Variants in COA7 observed in about 807,000 individuals in gnomAD.
COA7 encodes the protein cytochrome c oxidase assembly factor 7, also known as Sel1 repeat containing 1.
A neutral mutation model predicts 21.0 loss-of-function variants in COA7; 12 were observed. The ratio of observed to expected loss-of-function variants is 0.57; its 90% confidence interval spans 0.37 to 0.92. The LOEUF (loss-of-function observed/expected upper bound fraction) is 0.92, where lower values mean the gene tolerates loss of function less well. Ranked by LOEUF, COA7 falls within the 40% of genes least tolerant of loss-of-function variation. COA7 has a pLI of 0.01. For synonymous variants in COA7, 95 were observed against 107.4 expected, an observed-to-expected ratio of 0.88 and a Z score of 0.72; for missense variants, 240 against 286.1, an observed-to-expected ratio of 0.84 and a Z score of 1.16.
chr1:52,690,581 G>A (rs1644038105), intron 2 of COA7, among the ~76,000 whole-genome samples: 1 of 152,114 alleles, frequency 6.6e-6, no homozygotes, highest in South Asian at 2.1e-4. Flanking sequence ...AGCCCATAGT[G>A]ACATTTCCTA....
At chr1:52,691,470 GTT>G (rs541566680) in intron 2 of COA7, among the ~76,000 whole-genome samples, 78 of 122,028 alleles carry the variant, frequency 6.4e-4, no homozygotes, top group Middle Eastern at 4.2e-3. Flanking sequence ...GTGTGTGTGT[GTT>G]TTTTTTTTTT....
rs762420037 is a variant in COA7 at position 52,698,251 on chromosome 1, A to G, written c.76T>C (p.Tyr26His). 2 of 1,612,472 alleles carry G rather than the reference A, an allele frequency of 1.2e-6. No individual in the cohort carries two copies. Among genetic ancestry groups the G allele is most frequent in the South Asian group, 2.2e-5 (2 of 91,068 alleles). Residue 26 changes from tyrosine (Y) to histidine (H), a missense_variant, in exon 1 of 3, where the codon TAC becomes CAC. Tyr to His is a moderately conservative substitution (Grantham distance 83). This residue lies in a region of COA7 where 71 missense variants were observed against 54.7 expected (regional missense o/e 1.30). Transcript: ENST00000371538. ...FLENMEVECN[Y>H]HCYHEKDPDG... Reference sequence around the variant, plus strand: ...GGGTCCTTCTCGTGGTAGCAGTGGTAGTTGCACTCCACCTCCATGTTCTCC... The same window carrying G: ...GGGTCCTTCTCGTGGTAGCAGTGGTGGTTGCACTCCACCTCCATGTTCTCC...
At chr1:52,692,118 A>T (rs2149904654) in intron 2 of COA7, among the ~76,000 whole-genome samples, 1 of 151,774 alleles carries the variant, frequency 6.6e-6, no homozygotes, top group Middle Eastern at 3.4e-3. Flanking sequence ...AGAATTGGAA[A>T]CTCCAACTTC....
At chr1:52,697,219 GAC>G (rs1198141783) in intron 1 of COA7, among the ~76,000 whole-genome samples, 1 of 152,098 alleles carries the variant, frequency 6.6e-6, no homozygotes, top group Non-Finnish European at 1.5e-5. Context: ...ACAACGTAGT[GAC>G]ATACTATCTC....
Position 52,685,014 on chromosome 1 carries a change from C to T in COA7, c.*2706G>A, listed in dbSNP as rs1338100690. On this transcript the variant is annotated 3_prime_UTR_variant, in exon 3 of 3. Coordinates refer to ENST00000371538, the MANE Select transcript of COA7 (RefSeq NM_023077.3). ...ACTACATGCACCACAATTTATTTAC[C>T]CATTTACCTACTGAAAGACATTTTG... 1.3e-5 allele frequency: 2 copies of T among 152,258 alleles called. No individual in the cohort carries two copies. The highest frequency in any genetic ancestry group is 3.9e-4 in the East Asian group (2 of 5,188). 9.4% of individuals were successfully genotyped at this position (152,258 alleles called of 1,614,324 possible). A position where few individuals can be genotyped will look rare whatever the true frequency, so the allele number is the denominator to read the frequency against.
rs1232844005 is a variant in COA7 at position 52,684,847 on chromosome 1, C to T, written c.*2873G>A. 1.3e-5 allele frequency: 2 copies of T among 152,000 alleles called. No individual in the cohort carries two copies. Among genetic ancestry groups the T allele is most frequent in the African/African-American group, 4.8e-5 (2 of 41,360 alleles). 9.4% of individuals were successfully genotyped at this position (152,000 alleles called of 1,614,324 possible). A position where few individuals can be genotyped will look rare whatever the true frequency, so the allele number is the denominator to read the frequency against. On this transcript the variant is annotated 3_prime_UTR_variant, in exon 3 of 3. Coordinates refer to ENST00000371538, the MANE Select transcript of COA7 (RefSeq NM_023077.3). ...GTTTTGCCTTTTCCAGAATACATCC[C>T]AGTGTCATATAGTTGGCATCATTTA...
Position 52,687,459 on chromosome 1 carries a change from C to T in COA7, c.*261G>A. The T allele has an allele frequency of 2.2e-6, 1 of 462,530 alleles. No homozygotes were observed. The highest frequency in any genetic ancestry group is 3.8e-6 in the Non-Finnish European group (1 of 259,810). 28.7% of individuals were successfully genotyped at this position (462,530 alleles called of 1,614,324 possible). On this transcript the variant is annotated 3_prime_UTR_variant, in exon 3 of 3. Transcript: ENST00000371538. The stretch of plus-strand genomic sequence containing the variant: ...CTAAGACCCCCATAAACATGGCTAT[C>T]TTCACAGAACATCCAGATGAAGGAA...
rs1313901296 is a variant in COA7 at position 52,686,595 on chromosome 1, C to G, written c.*1125G>C. 6.6e-6 allele frequency: 1 copy of G among 152,062 alleles called. No individual in the cohort carries two copies. Among genetic ancestry groups the G allele is most frequent in the Non-Finnish European group, 1.5e-5 (1 of 68,070 alleles). The allele number at this position is 152,062 out of a possible 1,614,324, so 9.4% of individuals were successfully genotyped here. A position where few individuals can be genotyped will look rare whatever the true frequency, so the allele number is the denominator to read the frequency against. ...CCCCAGTAGCTGGGACTACAGGCGC[C>G]TGCCACCACGCCCGGCTAATTTTTT... On this transcript the variant is annotated 3_prime_UTR_variant, in exon 3 of 3. Coordinates refer to ENST00000371538, the MANE Select transcript of COA7 (RefSeq NM_023077.3).
At chr1:52,696,665 C>T (rs1006202439) in intron 1 of COA7, among the ~76,000 whole-genome samples, 73 of 143,728 alleles carry the variant, frequency 5.1e-4, no homozygotes, top group African/African-American at 1.7e-3. Flanking sequence ...TTTTTCTTTT[C>T]TTTTTTTTTT....
chr1:52,693,137 C>A (rs1644060031), intron 1 of COA7, among the ~76,000 whole-genome samples: 1 of 152,210 alleles, frequency 6.6e-6, no homozygotes, highest in African/African-American at 2.4e-5. Context: ...TACCACTCAC[C>A]AGCCCTTCTG....
intron 2 of COA7, 22 bp from the exon 3 acceptor site, chr1:52,688,190 A>T: frequency 6.3e-7 from 1 of 1,593,616 alleles, no homozygotes; most frequent in Non-Finnish European, 8.5e-7. Context: ...GAAAGTAGGA[A>T]AAAATAAACC....
chr1:52,691,543 C>T (rs1199865337), intron 2 of COA7, among the ~76,000 whole-genome samples: 1 of 150,432 alleles, frequency 6.6e-6, no homozygotes, highest in Non-Finnish European at 1.5e-5. Context: ...GCGATCTCAG[C>T]TCACTGCAAC....
chr1:52,697,565 C>T (rs969062138), intron 1 of COA7, among the ~76,000 whole-genome samples: 6 of 152,246 alleles, frequency 3.9e-5, no homozygotes, highest in African/African-American at 1.4e-4. Context: ...ACGGCACTTA[C>T]TACTTTCTTT....
rs1644008833 is a variant in COA7, at chr1:52,686,717, G to T, written c.*1003C>A. The T allele has an allele frequency of 6.6e-6, 1 of 152,270 alleles. No individual in the cohort carries two copies. Among genetic ancestry groups the T allele is most frequent in the Non-Finnish European group, 1.5e-5 (1 of 68,116 alleles). 9.4% of individuals were successfully genotyped at this position (152,270 alleles called of 1,614,324 possible). ...CCCGCCTTGGCCACCCAAAGTGCTG[G>T]GGTTACAGGCGTGAGCCACCGTGCC... On this transcript the variant is annotated 3_prime_UTR_variant, in exon 3 of 3. Transcript: ENST00000371538.
At chr1:52,691,095 C>T (rs186285029) in intron 2 of COA7, among the ~76,000 whole-genome samples, 1 of 151,580 alleles carries the variant, frequency 6.6e-6, no homozygotes, top group African/African-American at 2.4e-5. Flanking sequence ...AGAGTGGGAC[C>T]CTGTCTCGGG....
intron 1 of COA7, chr1:52,697,967 T>G: frequency 2.1e-6 from 1 of 475,484 alleles, no homozygotes; most frequent in Non-Finnish European, 3.7e-6. Context: ...GGCAGGGAGT[T>G]TCATCTGTTC....
chr1:52,692,848 G>A lies in COA7; in HGVS notation c.126C>T (p.Asp42=), dbSNP rs777744131. ...AATTCTTCCGGATCCCTTCCAAATA[G>A]TCCACCAGCCGATAGCAACCTGCGA... ...KDPDGCYRLV[D]YLEGIRKNFD... The change falls in exon 2 of 3, where the codon GAC becomes GAT. Residue 42 remains aspartate, a synonymous_variant. Coordinates refer to ENST00000371538, the MANE Select transcript of COA7 (RefSeq NM_023077.3). The A allele has an allele frequency of 6.2e-7, 1 of 1,613,498 alleles. No homozygotes were observed. The highest frequency in any genetic ancestry group is 1.3e-5 in the African/African-American group (1 of 75,008).
rs763803706 is a variant in COA7 at position 52,698,258 on chromosome 1, C to T, written c.69G>A (p.Glu23=). Residue 23 remains glutamate (E), a synonymous_variant, in exon 1 of 3, where the codon GAG becomes GAA. Transcript: ENST00000371538. Reference sequence around the variant, plus strand: ...TCTCGTGGTAGCAGTGGTAGTTGCACTCCACCTCCATGTTCTCCAAAAAGG... The same window carrying T: ...TCTCGTGGTAGCAGTGGTAGTTGCATTCCACCTCCATGTTCTCCAAAAAGG... ...VKSFLENMEV[E]CNYHCYHEKD... is the part of the protein sequence containing the mutation. 11 of 1,612,932 alleles carry T rather than the reference C, an allele frequency of 6.8e-6. No individual in the cohort carries two copies. The South Asian group carries it at 1.1e-4, about 16-fold the overall frequency.
chr1:52,696,817 A>G (rs1212475565), intron 1 of COA7, among the ~76,000 whole-genome samples: 5 of 151,800 alleles, frequency 3.3e-5, no homozygotes, highest in South Asian at 2.1e-4. Flanking sequence ...TTGAAAGAAA[A>G]AAAAAAAAAA....
Sources: gnomAD v4.1 joint callset for allele counts (sites outside exome capture counted in the v4.1 genomes callset) on GRCh38, gnomAD v4.1.1 for gene constraint, gnomAD v4.1.1 regional missense constraint, MANE v1.5 for transcripts, NCBI Gene and HGNC (gene_info 2026-07-23, HGNC 2026-07-21) for gene names.